YAP1: variants seen among roughly 807,000 people sequenced by gnomAD.
YAP1 encodes transcriptional coactivator YAP1.
Under a neutral mutation model 56.9 loss-of-function variants are expected in YAP1, and 5 were observed. The observed-to-expected ratio is 0.09, with a 90% confidence interval of 0.05 to 0.18. The LOEUF (loss-of-function observed/expected upper bound fraction) is 0.18, where lower values mean the gene tolerates loss of function less well. Ranked by LOEUF, YAP1 falls within the 10% of genes least tolerant of loss-of-function variation. The pLI is 1.00. For synonymous variants in YAP1, 265 were observed against 248.1 expected, an observed-to-expected ratio of 1.07 and a Z score of -0.64; for missense variants, 539 against 651.8, an observed-to-expected ratio of 0.83 and a Z score of 1.88.
chr11:102,170,641 T>C (rs1946848193), intron 3 of YAP1, among the ~76,000 whole-genome samples: 1 of 152,198 alleles, frequency 6.6e-6, no homozygotes, highest in African/African-American at 2.4e-5. Flanking sequence ...TCATTTGGGA[T>C]AGTAAAGTTC....
intron 2 of YAP1, among the ~76,000 whole-genome samples, chr11:102,128,522 G>A (rs1191686164): frequency 6.6e-6 from 1 of 152,140 alleles, no homozygotes; most frequent in African/African-American, 2.4e-5. Context: ...TTTCTTCCCA[G>A]TCTCAGGTAT....
At chr11:102,177,851 T>C (rs1271514678) in intron 3 of YAP1, among the ~76,000 whole-genome samples, 1 of 152,124 alleles carries the variant, frequency 6.6e-6, no homozygotes, top group Non-Finnish European at 1.5e-5. Flanking sequence ...GGGAGTCATT[T>C]ATGTGAATAT....
Position 102,173,940 on chromosome 11 carries a change from T to C in YAP1, c.688+11369T>C, listed in dbSNP as rs1337507199. On this transcript the variant is annotated intron_variant, in intron 3 of 8. Coordinates refer to ENST00000282441, the MANE Select transcript of YAP1 (RefSeq NM_001130145.3). ...CATACAAGCGGTCCTTGTTAGTCTTTGGTATTCTAGAGTAGTGCTTCTTAA... is the reference window on the plus strand; with the variant it reads ...CATACAAGCGGTCCTTGTTAGTCTTCGGTATTCTAGAGTAGTGCTTCTTAA... Among the ~76,000 whole-genome samples the C allele has an allele frequency of 3.3e-5, 5 of 152,214 alleles. No individual in the cohort carries two copies. In the South Asian group the frequency reaches 8.3e-4, roughly 25 times the overall value.
At chr11:102,225,694 T>A (rs1302707668) in intron 7 of YAP1, among the ~76,000 whole-genome samples, 2 of 152,184 alleles carry the variant, frequency 1.3e-5, no homozygotes, top group East Asian at 3.8e-4. Flanking sequence ...CTTTTACCCT[T>A]TACTTCTAAG....
chr11:102,148,000 A>C (rs921820674), intron 2 of YAP1, among the ~76,000 whole-genome samples: 1 of 152,212 alleles, frequency 6.6e-6, no homozygotes, highest in African/African-American at 2.4e-5. Flanking sequence ...TTAAAGTTAT[A>C]GAAAGGATTT....
At chr11:102,207,400 C>T (rs1949175014) in intron 5 of YAP1, among the ~76,000 whole-genome samples, 1 of 151,746 alleles carries the variant, frequency 6.6e-6, no homozygotes, top group African/African-American at 2.4e-5. Flanking sequence ...ATTTAAAAAT[C>T]GTCATACTCG....
At chr11:102,224,953 A>T (rs1038689595) in intron 7 of YAP1, among the ~76,000 whole-genome samples, 1 of 152,200 alleles carries the variant, frequency 6.6e-6, no homozygotes, top group Non-Finnish European at 1.5e-5. Context: ...AAATTAGACC[A>T]TTTTAAAAAT....
intron 4 of YAP1, among the ~76,000 whole-genome samples, chr11:102,202,474 T>G (rs970373395): frequency 2.6e-5 from 4 of 151,446 alleles, no homozygotes; most frequent in African/African-American, 4.9e-5. Flanking sequence ...CCACTGCACC[T>G]GGCCGATTTT....
intron 2 of YAP1, among the ~76,000 whole-genome samples, chr11:102,137,696 G>A (rs1944760798): frequency 6.6e-6 from 1 of 150,886 alleles, no homozygotes; most frequent in Non-Finnish European, 1.5e-5. Flanking sequence ...GCACACACAT[G>A]CTCTTGTGGG....
At chr11:102,150,833 C>T (rs561605513) in intron 2 of YAP1, among the ~76,000 whole-genome samples, 145 of 112,560 alleles carry the variant, frequency 1.3e-3, no homozygotes, top group African/African-American at 4.3e-3. Context: ...GACAGTCTTG[C>T]TCTGTCACTC....
intron 2 of YAP1, among the ~76,000 whole-genome samples, chr11:102,114,994 C>T (rs1041226363): frequency 1.2e-4 from 18 of 152,184 alleles, no homozygotes; most frequent in African/African-American, 4.1e-4. Flanking sequence ...TGGCAAACTT[C>T]TTTCAAGCTA....
intron 3 of YAP1, among the ~76,000 whole-genome samples, chr11:102,177,547 A>C (rs1442539076): frequency 6.6e-6 from 1 of 151,748 alleles, no homozygotes; most frequent in African/African-American, 2.4e-5. Context: ...CGTGGTGGTG[A>C]GGGCCTGTAA....
At chr11:102,215,084 A>C (rs932037573) in intron 6 of YAP1, among the ~76,000 whole-genome samples, 1 of 152,230 alleles carries the variant, frequency 6.6e-6, no homozygotes, top group Admixed American at 6.5e-5. Context: ...CAGTGTTTTA[A>C]TGACTTTAGA....
chr11:102,181,316 G>C (rs1190653846), intron 3 of YAP1, among the ~76,000 whole-genome samples: 1 of 151,922 alleles, frequency 6.6e-6, no homozygotes, highest in Non-Finnish European at 1.5e-5. Flanking sequence ...CGTGGTGGTG[G>C]GCCCCTGTAG....
chr11:102,205,276 T>A (rs1261563776), intron 4 of YAP1, among the ~76,000 whole-genome samples: 3 of 152,224 alleles, frequency 2.0e-5, no homozygotes, highest in Non-Finnish European at 4.4e-5. Flanking sequence ...CAGATCATTT[T>A]AATCTACTTG....
intron 2 of YAP1, among the ~76,000 whole-genome samples, chr11:102,141,700 G>A (rs925980844): frequency 8.5e-5 from 13 of 152,100 alleles, no homozygotes; most frequent in Non-Finnish European, 1.6e-4. Flanking sequence ...TGTAATTTTA[G>A]TATTTCTGCA....
intron 4 of YAP1, among the ~76,000 whole-genome samples, chr11:102,189,353 C>G (rs766035710): frequency 6.6e-6 from 1 of 152,032 alleles, no homozygotes; most frequent in Non-Finnish European, 1.5e-5. Context: ...GAAAAAAGAT[C>G]TTTAAAACAC....
At chr11:102,128,689 C>T (rs1057389115) in intron 2 of YAP1, among the ~76,000 whole-genome samples, 7 of 152,176 alleles carry the variant, frequency 4.6e-5, no homozygotes, top group Admixed American at 3.9e-4. Flanking sequence ...ACAGCTGTGA[C>T]ACGAGAGTGG....
Position 102,110,824 on chromosome 11 carries a change from G to T in YAP1, c.-25G>T, listed in dbSNP as rs1229661476. On this transcript the variant is annotated 5_prime_UTR_variant, in exon 1 of 9. Coordinates refer to ENST00000282441, the MANE Select transcript of YAP1 (RefSeq NM_001130145.3). ...AGCCCTCGCTCGCCTGGGTCAGGGG[G>T]TGCGCGTCGGGGGAGGCAGAAGCCA... 2 of 1,376,448 alleles carry T rather than the reference G, an allele frequency of 1.5e-6. No individual in the cohort carries two copies. The highest frequency in any genetic ancestry group is 3.0e-5 in the Admixed American group (1 of 33,226). The allele number at this position is 1,376,448 out of a possible 1,614,324, so 85.3% of individuals were successfully genotyped here.
Sources: allele counts gnomAD v4.1 joint callset (sites outside exome capture counted in the v4.1 genomes callset), GRCh38; gene constraint gnomAD v4.1.1; transcripts MANE v1.5; gene names NCBI Gene and HGNC (gene_info 2026-07-23, HGNC 2026-07-21).